Variants in AMPH observed in about 807,000 individuals in gnomAD.
AMPH encodes the protein amphiphysin (Stiff-Mann syndrome with breast cancer 128kD autoantigen).
In AMPH, 49 loss-of-function variants were observed where a neutral mutation model predicts 99.1. That is an observed-to-expected ratio of 0.49 (90% CI 0.39 to 0.63). The LOEUF is 0.63. AMPH is among the 20% of genes least tolerant of loss of function. The pLI is 0.00. For synonymous variants in AMPH, 314 were observed against 317.3 expected (o/e 0.99, Z 0.11); for missense variants, 759 against 863.4 (o/e 0.88, Z 1.52).
rs1458216867 is a variant in AMPH at position 38,384,588 on chromosome 7, C to T, written c.*230G>A. 1 of 440,190 alleles carries T rather than the reference C, an allele frequency of 2.3e-6. No homozygotes were observed. Among genetic ancestry groups the T allele is most frequent in the Admixed American group, 3.3e-5 (1 of 30,416 alleles). 27.3% of individuals were successfully genotyped at this position (440,190 alleles called of 1,614,324 possible). A position where few individuals can be genotyped will look rare whatever the true frequency, so the allele number is the denominator to read the frequency against. The stretch of plus-strand genomic sequence containing the variant: ...GAGTCTCCACAGCTTGGACAAAGCA[C>T]AAACAAACCTGTTATTGACAACATG... On this transcript the variant is annotated 3_prime_UTR_variant, in exon 21 of 21. Coordinates refer to ENST00000356264, the MANE Select transcript of AMPH (RefSeq NM_001635.4).
chr7:38,547,510 C>T (rs1791033356), intron 1 of AMPH, among the ~76,000 whole-genome samples: 1 of 152,108 alleles, frequency 6.6e-6, no homozygotes, highest in Admixed American at 6.5e-5. Flanking sequence ...GAACATAAGC[C>T]CTGCAGTTGA....
At chr7:38,481,489 C>T (rs1287598105) in intron 5 of AMPH, among the ~76,000 whole-genome samples, 1 of 152,234 alleles carries the variant, frequency 6.6e-6, no homozygotes, top group Middle Eastern at 3.4e-3. Context: ...TGCTTAGTTG[C>T]TCATGCATGG....
intron 5 of AMPH, among the ~76,000 whole-genome samples, chr7:38,484,577 C>G (rs1238551303): frequency 6.6e-6 from 1 of 151,894 alleles, no homozygotes; most frequent in East Asian, 1.9e-4. Flanking sequence ...TTAGGCCTAC[C>G]TTATAAAAAA....
intron 17 of AMPH, among the ~76,000 whole-genome samples, chr7:38,400,412 T>G (rs1165901028): frequency 6.6e-6 from 1 of 152,230 alleles, no homozygotes; most frequent in Non-Finnish European, 1.5e-5. Context: ...CTCAATCATC[T>G]CCTTAGTGGA....
rs1405636765 is a variant in AMPH at position 38,390,001 on chromosome 7, G to A, written c.1879-96C>T. ...TCTCCAACCTGGATGAAAAGAGGAA[G>A]ATATTTGCCATATCCCAAGGAGGAA... On this transcript the variant is annotated intron_variant, in intron 19 of 20. Coordinates refer to ENST00000356264, the MANE Select transcript of AMPH (RefSeq NM_001635.4). 4 of 982,918 alleles carry A rather than the reference G, an allele frequency of 4.1e-6. No homozygotes were observed. In the African/African-American group the frequency reaches 6.4e-5, roughly 16 times the overall value. 60.9% of individuals were successfully genotyped at this position (982,918 alleles called of 1,614,324 possible). A position where few individuals can be genotyped will look rare whatever the true frequency, so the allele number is the denominator to read the frequency against.
chr7:38,531,823 G>A (rs967248928), intron 2 of AMPH, among the ~76,000 whole-genome samples: 2 of 151,898 alleles, frequency 1.3e-5, no homozygotes, highest in Admixed American at 6.6e-5. Flanking sequence ...ATATATACTC[G>A]TAGAAAAAAT....
chr7:38,566,701 GA>G lies in AMPH; in HGVS notation c.70-31691del, dbSNP rs529958178. Among the ~76,000 whole-genome samples, 1,424 of 151,448 alleles carry G rather than the reference GA, an allele frequency of 9.4e-3. 19 individuals are homozygous for G. The highest frequency in any genetic ancestry group is 0.032 in the African/African-American group (1,322 of 41,268). On this transcript the variant is annotated intron_variant, in intron 1 of 20. Transcript: ENST00000356264. ...ACAAAGAAGTTAAACAAATGTACAA[GA>G]AAAAAAACATCAAAAAGTGGGTAAA...
chr7:38,407,255 C>A (rs1263448243), intron 17 of AMPH, among the ~76,000 whole-genome samples: 1 of 144,028 alleles, frequency 6.9e-6, no homozygotes, highest in Non-Finnish European at 1.5e-5. Flanking sequence ...CTGTATCTAA[C>A]TATCTATCTA....
chr7:38,412,668 G>C (rs1785247944), intron 17 of AMPH, among the ~76,000 whole-genome samples: 3 of 152,194 alleles, frequency 2.0e-5, no homozygotes, highest in Admixed American at 6.5e-5. Context: ...TTCCTGCAAA[G>C]ACAGAGAGAA....
intron 2 of AMPH, among the ~76,000 whole-genome samples, chr7:38,525,277 T>TATATAGAGAGAG (rs1481528083): frequency 2.3e-3 from 198 of 86,634 alleles, no homozygotes; most frequent in Non-Finnish European, 2.9e-3. Context: ...TATATATATA[T>TATATAGAGAGAG]AGAGAGAGAG....
chr7:38,593,924 G>C (rs1792952652), intron 1 of AMPH, among the ~76,000 whole-genome samples: 1 of 152,152 alleles, frequency 6.6e-6, no homozygotes, highest in Non-Finnish European at 1.5e-5. Flanking sequence ...GTCAAAGAGG[G>C]AACAAGCAGC....
At chr7:38,535,869 T>G (rs935721806) in intron 1 of AMPH, among the ~76,000 whole-genome samples, 2 of 152,060 alleles carry the variant, frequency 1.3e-5, no homozygotes, top group Non-Finnish European at 2.9e-5. Flanking sequence ...TCCTGCTGAG[T>G]GGCTGGGTTC....
At chr7:38,616,617 T>G (rs748699554) in intron 1 of AMPH, among the ~76,000 whole-genome samples, 2 of 152,132 alleles carry the variant, frequency 1.3e-5, no homozygotes, top group African/African-American at 2.4e-5. Context: ...AATGGGTAAA[T>G]AAATTGTGGG....
At chr7:38,480,859 G>A (rs892652761) in intron 5 of AMPH, among the ~76,000 whole-genome samples, 4 of 152,140 alleles carry the variant, frequency 2.6e-5, no homozygotes, top group Non-Finnish European at 4.4e-5. Context: ...TTATGGACTT[G>A]CCTTCTAGCC....
intron 1 of AMPH, among the ~76,000 whole-genome samples, chr7:38,612,339 G>C (rs1192217779): frequency 6.6e-6 from 1 of 151,966 alleles, no homozygotes; most frequent in Non-Finnish European, 1.5e-5. Flanking sequence ...GCCTCCCAAA[G>C]TGCTGGGATT....
At chr7:38,441,853 T>TATATCATATATATC (rs60306180) in intron 11 of AMPH, among the ~76,000 whole-genome samples, 18,358 of 88,504 alleles carry the variant, frequency 0.21, 2,902 homozygotes, top group East Asian at 0.33. Context: ...ATATATATCA[T>TATATCATATATATC]ATATATCATA....
At chr7:38,587,339 C>T (rs1481465786) in intron 1 of AMPH, among the ~76,000 whole-genome samples, 1 of 152,146 alleles carries the variant, frequency 6.6e-6, no homozygotes, top group Non-Finnish European at 1.5e-5. Flanking sequence ...CCAGCAAAAA[C>T]CAATCTTGAC....
At position 38,537,519 on chromosome 7, in the gene AMPH, C is replaced by T. The variant is rs148192704; in HGVS notation, c.70-2508G>A. ...AGAATCAGGATTCACAAAAGACCTT[C>T]TTTAACAAGATGAAATTCAACAAGG... On this transcript the variant is annotated intron_variant, in intron 1 of 20. Transcript: ENST00000356264. 6.6e-3 allele frequency among the ~76,000 whole-genome samples: 1,010 copies of T among 152,268 alleles called. 10 individuals are homozygous for T. Among genetic ancestry groups the T allele is most frequent in the African/African-American group, 0.023 (939 of 41,554 alleles).
chr7:38,598,802 T>C (rs978922779), intron 1 of AMPH, among the ~76,000 whole-genome samples: 2 of 151,992 alleles, frequency 1.3e-5, no homozygotes, highest in African/African-American at 4.8e-5. Flanking sequence ...AATTTTTTGG[T>C]ATTATTTTAT....
Sources: gnomAD v4.1 joint callset for allele counts (sites outside exome capture counted in the v4.1 genomes callset) on GRCh38, gnomAD v4.1.1 for gene constraint, MANE v1.5 for transcripts, NCBI Gene and HGNC (gene_info 2026-07-23, HGNC 2026-07-21) for gene names.